The following CYP2W1 variants were observed in gnomAD, a reference collection of about 807,000 sequenced individuals.
The protein encoded by CYP2W1 is cytochrome P450 family 2 subfamily W member 1.
In CYP2W1, 51 loss-of-function variants were observed where a neutral mutation model predicts 44.9. That is an observed-to-expected ratio of 1.14 (90% CI 0.91 to 1.43). The LOEUF (loss-of-function observed/expected upper bound fraction) is 1.43. CYP2W1 is among the 40% of genes most tolerant of loss of function. The pLI, the probability that CYP2W1 is intolerant of heterozygous loss-of-function variation, is 0.00. For missense variants in CYP2W1, 746 were observed against 700.0 expected (o/e 1.07, Z -0.74); for synonymous variants, 383 against 338.3 (o/e 1.13, Z -1.45).
rs73259906 is a variant in CYP2W1 at position 984,483 on chromosome 7, C to T, written c.246C>T (p.Phe82=). Residue 82 remains phenylalanine (F), a synonymous_variant, in exon 2 of 9, where the codon TTC becomes TTT. Transcript: ENST00000308919. ...GRQKTVVLTG[F]EAVKEALAGP... is the part of the protein sequence containing the mutation. ...AGAAGACGGTGGTGCTGACGGGGTT[C>T]GAGGCGGTCAAAGAGGCGCTGGCGG... 8,264 of 1,551,894 alleles carry T rather than the reference C, an allele frequency of 5.3e-3. 342 individuals are homozygous for T. The African/African-American group carries it at 0.094, about 18-fold the overall frequency.
rs1385553404 is a variant in CYP2W1, at chr7:988,408, T to C, written c.1275T>C (p.Pro425=). 6.2e-7 allele frequency: 1 copy of C among 1,612,576 alleles called. No homozygotes were observed. The change falls in exon 8 of 9, where the codon CCT becomes CCC. Residue 425 remains proline, a synonymous_variant. Coordinates refer to ENST00000308919, the MANE Select transcript of CYP2W1 (RefSeq NM_017781.3). ...TTGTGAAGCGGGAGGCCTTCCTGCC[T>C]TTCTCTGCAGGTCAGCAGCCCTCGG... ...GHFVKREAFL[P]FSAGRRVCVG...
chr7:987,289 G>T, intron 6 of CYP2W1, 44 bp downstream of exon 6: 1 of 1,508,392 alleles, frequency 6.6e-7, no homozygotes, highest in Non-Finnish European at 8.9e-7. Flanking sequence ...CTGCCCCCGG[G>T]GGACCCCCAG....
Position 987,517 on chromosome 7 carries a change from T to C in CYP2W1, c.1129T>C (p.Phe377Leu), listed in dbSNP as rs1848459974. The C allele has an allele frequency of 6.5e-7, 1 of 1,528,388 alleles. No homozygotes were observed. Among genetic ancestry groups the C allele is most frequent in the Non-Finnish European group, 8.8e-7 (1 of 1,139,860 alleles). The allele number at this position is 1,528,388 out of a possible 1,614,324, so 94.7% of individuals were successfully genotyped here. The change falls in exon 7 of 9, where the codon TTC becomes CTC. Residue 377 changes from phenylalanine to leucine, a missense_variant. Phe to Leu is a conservative substitution (Grantham distance 22). Coordinates refer to ENST00000308919, the MANE Select transcript of CYP2W1 (RefSeq NM_017781.3). Reference sequence around the variant, plus strand: ...CGCGGCCGACACACAGCTGGGCGGCTTCCTGCTCCCCAAGGTGGGGCTGGG... The same window carrying C: ...CGCGGCCGACACACAGCTGGGCGGCCTCCTGCTCCCCAAGGTGGGGCTGGG... The part of the protein sequence containing the change: ...CTAADTQLGG[F>L]LLPKGTPVIP...
chr7:984,502 C>T lies in CYP2W1; in HGVS notation c.265C>T (p.Leu89=), dbSNP rs372907345. The change falls in exon 2 of 9, where the codon CTG becomes TTG. Residue 89 remains leucine (L), a synonymous_variant. Transcript: ENST00000308919. ...GGGGTTCGAGGCGGTCAAAGAGGCG[C>T]TGGCGGGCCCCGGGCAGGAGCTGGC... is the stretch of plus-strand genomic sequence containing the variant. The part of the protein sequence containing the change: ...LTGFEAVKEA[L]AGPGQELADR... 8.4e-6 allele frequency: 13 copies of T among 1,552,716 alleles called. No individual in the cohort carries two copies. The African/African-American group carries it at 1.6e-4, about 20-fold the overall frequency.
At chr7:984,210 C>T (rs568408727) in intron 1 of CYP2W1, among the ~76,000 whole-genome samples, 8 of 152,334 alleles carry the variant, frequency 5.3e-5, no homozygotes, top group South Asian at 2.1e-4. Flanking sequence ...CACCAGATGG[C>T]GAGAGGGCTC....
chr7:984,609 G>A, intron 2 of CYP2W1, 35 bp downstream of exon 2: 1 of 1,540,648 alleles, frequency 6.5e-7, no homozygotes, highest in African/African-American at 1.4e-5. Flanking sequence ...GGCCTACTGG[G>A]TGTGGGGGCA....
chr7:983,866 C>T (rs577404248), intron 1 of CYP2W1, among the ~76,000 whole-genome samples: 29 of 152,206 alleles, frequency 1.9e-4, no homozygotes, highest in South Asian at 4.1e-4. Context: ...ACAGAGGGTA[C>T]GGGGACACGG....
At position 984,417 on chromosome 7, in the gene CYP2W1, A is replaced by G. The variant is rs996479309; in HGVS notation, c.180A>G (p.Ser60=). 10 of 1,547,536 alleles carry G rather than the reference A, an allele frequency of 6.5e-6. No homozygotes were observed. In the African/African-American group the frequency reaches 1.2e-4, roughly 19 times the overall value. The change falls in exon 2 of 9, where the codon TCA becomes TCG. Residue 60 remains serine (S), a synonymous_variant. Transcript: ENST00000308919. ...SQQDRSLMEL[S]ERYGPVFTVH... is the part of the protein sequence containing the mutation. Reference sequence around the variant, plus strand: ...ACCCCCGCCATCCCTGCCAGCTCTCAGAACGCTACGGGCCGGTGTTCACCG... The same window carrying G: ...ACCCCCGCCATCCCTGCCAGCTCTCGGAACGCTACGGGCCGGTGTTCACCG...
chr7:988,086 C>T (rs1433964303), intron 7 of CYP2W1, among the ~76,000 whole-genome samples, 191 bp from the exon 8 acceptor site: 1 of 150,838 alleles, frequency 6.6e-6, no homozygotes, highest in Non-Finnish European at 1.5e-5. Context: ...TCCTCTCTAT[C>T]CTTGGGGCCC....
At position 983,510 on chromosome 7, in the gene CYP2W1, C is replaced by T. The variant is rs575213414; in HGVS notation, c.174+125C>T. The T allele has an allele frequency of 6.5e-5, 64 of 985,792 alleles. No homozygotes were observed. The African/African-American group carries it at 8.5e-4, about 13-fold the overall frequency. The allele number at this position is 985,792 out of a possible 1,614,324, so 61.1% of individuals were successfully genotyped here. The stretch of plus-strand genomic sequence containing the variant: ...ACATGGTGCCGGGCCCAGCGGGGCA[C>T]GCAGGAGGCCGGAGGGCCCACCCTG... On this transcript the variant is annotated intron_variant, in intron 1 of 8. Transcript: ENST00000308919.
At chr7:988,245 C>A (rs781512580) in intron 7 of CYP2W1, 32 bp from the exon 8 acceptor site, 29 of 1,550,314 alleles carry the variant, frequency 1.9e-5, no homozygotes, top group Non-Finnish European at 2.2e-5. Context: ...TTCCCCGGGG[C>A]CCCTCTCTCT....
chr7:988,830 C>G lies in CYP2W1; in HGVS notation c.*8C>G. ...GCGGTGCCCAGGCCCTAGGAGCTCCCCCAGCCCCCAGGTCCTCCTGACCAC... is the reference window on the plus strand; with the variant it reads ...GCGGTGCCCAGGCCCTAGGAGCTCCGCCAGCCCCCAGGTCCTCCTGACCAC... On this transcript the variant is annotated 3_prime_UTR_variant, in exon 9 of 9. Coordinates refer to ENST00000308919, the MANE Select transcript of CYP2W1 (RefSeq NM_017781.3). 6.6e-7 allele frequency: 1 copy of G among 1,514,336 alleles called. No homozygotes were observed. Among genetic ancestry groups the G allele is most frequent in the Non-Finnish European group, 8.9e-7 (1 of 1,124,570 alleles). 93.8% of individuals were successfully genotyped at this position (1,514,336 alleles called of 1,614,324 possible).
rs572165496 is a variant in CYP2W1 at position 987,605 on chromosome 7, C to T, written c.1143+74C>T. 5.2e-4 allele frequency: 706 copies of T among 1,361,514 alleles called. 1 individual carries two copies. Among genetic ancestry groups the T allele is most frequent in the Non-Finnish European group, 6.3e-4 (648 of 1,027,906 alleles). The allele number at this position is 1,361,514 out of a possible 1,614,324, so 84.3% of individuals were successfully genotyped here. A position where few individuals can be genotyped will look rare whatever the true frequency, so the allele number is the denominator to read the frequency against. ...CGGCGGGGGTCCAGGGGCACTGGGA[C>T]GGCTGAGCGTCTGGTGGGTGCCTGA... On this transcript the variant is annotated intron_variant, in intron 7 of 8. Coordinates refer to ENST00000308919, the MANE Select transcript of CYP2W1 (RefSeq NM_017781.3).
Position 984,497 on chromosome 7 carries a change from A to T in CYP2W1, c.260A>T (p.Glu87Val), listed in dbSNP as rs777498080. The T allele has an allele frequency of 5.2e-6, 8 of 1,552,942 alleles. No individual in the cohort carries two copies. Among genetic ancestry groups the T allele is most frequent in the Middle Eastern group, 1.7e-4 (1 of 5,968 alleles). Residue 87 changes from glutamate (E) to valine (V), a missense_variant, in exon 2 of 9, where the codon GAG becomes GTG. Physicochemically the swap from Glu to Val is moderately radical, Grantham distance 121. Coordinates refer to ENST00000308919, the MANE Select transcript of CYP2W1 (RefSeq NM_017781.3). ...CTGACGGGGTTCGAGGCGGTCAAAG[A>T]GGCGCTGGCGGGCCCCGGGCAGGAG... ...VVLTGFEAVK[E>V]ALAGPGQELA... is the part of the protein sequence containing the mutation.
In CYP2W1 at chr7:987,257, G is replaced by T; in HGVS notation, c.958+12G>T. 1 of 1,510,296 alleles carries T rather than the reference G, an allele frequency of 6.6e-7. No individual in the cohort carries two copies. Among genetic ancestry groups the T allele is most frequent in the Non-Finnish European group, 8.9e-7 (1 of 1,126,036 alleles). 93.6% of individuals were successfully genotyped at this position (1,510,296 alleles called of 1,614,324 possible). On this transcript the variant is annotated intron_variant, in intron 6 of 8. Coordinates refer to ENST00000308919, the MANE Select transcript of CYP2W1 (RefSeq NM_017781.3). ...CCCGGACGTGCAGGGTGAGACCCCG[G>T]CGCCTGGCGAGACGGCTCCTTCTGC...
At chr7:985,435 C>A in intron 4 of CYP2W1, 112 bp downstream of exon 4, 3 of 1,236,354 alleles carry the variant, frequency 2.4e-6, no homozygotes, top group Non-Finnish European at 3.3e-6. Context: ...GCCCTCCCAC[C>A]TTGCAAAAGG....
Position 988,383 on chromosome 7 carries a change from TTG to T in CYP2W1, c.1253_1254del (p.Val418GlufsTer83), listed in dbSNP as rs1398651271. On this transcript the variant is annotated frameshift_variant, in exon 8 of 9. Coordinates refer to ENST00000308919, the MANE Select transcript of CYP2W1 (RefSeq NM_017781.3). LOFTEE classifies it low-confidence loss of function (END_TRUNC). The stretch of plus-strand genomic sequence containing the variant: ...CATTTCCTGGACGCGAATGGGCACT[TTG>T]TGAAGCGGGAGGCCTTCCTGCCTTT... The T allele has an allele frequency of 1.2e-6, 2 of 1,612,502 alleles. No individual in the cohort carries two copies. Among genetic ancestry groups the T allele is most frequent in the Non-Finnish European group, 1.7e-6 (2 of 1,179,824 alleles).
chr7:989,069 G>A lies in CYP2W1; in HGVS notation c.*247G>A, dbSNP rs986944379. On this transcript the variant is annotated 3_prime_UTR_variant, in exon 9 of 9. Transcript: ENST00000308919. ...TCAGTCCCTGCCAGCCCCCAGGAGC[G>A]CCTCCAGGGCCCCGCCCACTCTCCC... 2.7e-5 allele frequency: 12 copies of A among 451,250 alleles called. No individual in the cohort carries two copies. Among genetic ancestry groups the A allele is most frequent in the Non-Finnish European group, 4.7e-5 (12 of 255,172 alleles). 28.0% of individuals were successfully genotyped at this position (451,250 alleles called of 1,614,324 possible).
chr7:984,663 TC>T, intron 2 of CYP2W1, 89 bp downstream of exon 2: 1 of 1,480,866 alleles, frequency 6.8e-7, no homozygotes, highest in South Asian at 1.3e-5. Flanking sequence ...CGGGAGAGGC[TC>T]CCAGGGTGGC....
Sources: allele counts gnomAD v4.1 joint callset (sites outside exome capture counted in the v4.1 genomes callset), GRCh38; gene constraint gnomAD v4.1.1; transcripts MANE v1.5; gene names NCBI Gene and HGNC (gene_info 2026-07-23, HGNC 2026-07-21).